The following L3MBTL1 variants were observed in gnomAD, a reference collection of about 807,000 sequenced individuals.
L3MBTL1 encodes the protein lethal(3)malignant brain tumor-like protein 1.
Under a neutral mutation model 105.3 loss-of-function variants are expected in L3MBTL1, and 75 were observed. The observed-to-expected ratio is 0.71, with a 90% confidence interval of 0.59 to 0.86. L3MBTL1 has a LOEUF of 0.86. Among genes scored for constraint, L3MBTL1 ranks in the 40% least tolerant of loss-of-function variants. The probability of loss-of-function intolerance (pLI) is 0.00; values close to 1 mark genes in which losing one functional copy is unlikely to be tolerated. For missense variants in L3MBTL1, 1,069 were observed against 1,126.4 expected (o/e 0.95, Z 0.73); for synonymous variants, 452 against 436.2 (o/e 1.04, Z -0.45).
At position 43,534,056 on chromosome 20, in the gene L3MBTL1, C is replaced by T. The variant is rs1352588224; in HGVS notation, c.1562C>T (p.Thr521Ile). The change falls in exon 14 of 22, where the codon ACT (threonine) becomes ATT (isoleucine). Residue 521 changes from threonine (T) to isoleucine (I), a missense_variant. Transcript: ENST00000418998. Reference protein sequence around the residue: ...NFCWEKYLEETGASAVPTWAF... With the variant: ...NFCWEKYLEEIGASAVPTWAF... The stretch of plus-strand genomic sequence containing the variant: ...TGTTGGGAGAAATATCTGGAAGAAA[C>T]TGGGGCCTCTGCTGTCCCCACCTGG... 4 of 1,614,014 alleles carry T rather than the reference C, an allele frequency of 2.5e-6. No homozygotes were observed. The highest frequency in any genetic ancestry group is 2.5e-6 in the Non-Finnish European group (3 of 1,180,014).
chr20:43,535,093 C>A, intron 16 of L3MBTL1, 151 bp downstream of exon 16: 1 of 604,818 alleles, frequency 1.7e-6, no homozygotes, highest in Non-Finnish European at 2.9e-6. Flanking sequence ...CCATCTGCCC[C>A]ACCCCCGGAC....
intron 1 of L3MBTL1, among the ~76,000 whole-genome samples, chr20:43,508,308 T>C (rs1447649407): frequency 1.3e-5 from 2 of 152,114 alleles, no homozygotes; most frequent in East Asian, 3.9e-4. Context: ...CGCCCGCCTT[T>C]GCCTATACCA....
In L3MBTL1 at chr20:43,540,400, G is replaced by A. The variant is rs60219095; in HGVS notation, c.2331+92G>A. ...GAAAGGCCCAGGTCAGGTAGAACCCGGTACCACTCCTGGCACTACCTCTTG... is the reference window on the plus strand; with the variant it reads ...GAAAGGCCCAGGTCAGGTAGAACCCAGTACCACTCCTGGCACTACCTCTTG... On this transcript the variant is annotated intron_variant, in intron 20 of 21. Coordinates refer to ENST00000418998, the MANE Select transcript of L3MBTL1 (RefSeq NM_001377303.1). The A allele has an allele frequency of 4.6e-3, 6,506 of 1,420,162 alleles. 259 individuals are homozygous for A. The African/African-American group carries it at 0.08, about 18-fold the overall frequency. 88.0% of individuals were successfully genotyped at this position (1,420,162 alleles called of 1,614,324 possible).
chr20:43,515,212 T>C, intron 5 of L3MBTL1, 53 bp downstream of exon 5: 2 of 1,613,900 alleles, frequency 1.2e-6, no homozygotes, highest in East Asian at 2.2e-5. Context: ...CCCCAAAGCC[T>C]CATTCCTGTT....
rs1368652489 is a variant in L3MBTL1, at chr20:43,515,426, G to A, written c.777+11G>A. Reference sequence around the variant, plus strand: ...GAGCCAGAGGCCATGGTAGGAAGAGGGCAGTGGGGAAGGGAGGGGGAAGCT... The same window carrying A: ...GAGCCAGAGGCCATGGTAGGAAGAGAGCAGTGGGGAAGGGAGGGGGAAGCT... On this transcript the variant is annotated intron_variant, in intron 6 of 21. Transcript: ENST00000418998. 1.3e-6 allele frequency: 2 copies of A among 1,553,044 alleles called. No homozygotes were observed. The highest frequency in any genetic ancestry group is 1.7e-6 in the Non-Finnish European group (2 of 1,146,980).
chr20:43,530,093 T>C (rs1011651083), intron 9 of L3MBTL1, among the ~76,000 whole-genome samples, 191 bp from the exon 10 acceptor site: 1 of 152,110 alleles, frequency 6.6e-6, no homozygotes, highest in Non-Finnish European at 1.5e-5. Flanking sequence ...TCAGGGCTCA[T>C]GAGTACATGA....
intron 9 of L3MBTL1, among the ~76,000 whole-genome samples, chr20:43,530,028 A>G (rs978136527): frequency 6.6e-6 from 1 of 152,170 alleles, no homozygotes; most frequent in Non-Finnish European, 1.5e-5. Context: ...AATTCTGTCC[A>G]GGGCTCAAAA....
At chr20:43,535,076 G>C (rs934254634) in intron 16 of L3MBTL1, 134 bp downstream of exon 16, 6 of 616,778 alleles carry the variant, frequency 9.7e-6, no homozygotes, top group African/African-American at 5.6e-5. Context: ...ATGAGTTCCA[G>C]AATCCCCCAT....
At chr20:43,531,847 G>A (rs534952802) in intron 11 of L3MBTL1, 115 of 152,418 alleles carry the variant, frequency 7.5e-4, no homozygotes, top group African/African-American at 2.7e-3. Context: ...AGGCAACATA[G>A]TGAGACCCCA....
At chr20:43,534,507 TGAA>T (rs1206287647) in intron 15 of L3MBTL1, 113 bp downstream of exon 15, 2 of 825,090 alleles carry the variant, frequency 2.4e-6, no homozygotes, top group Non-Finnish European at 3.9e-6. Context: ...CCAAAGATCT[TGAA>T]TCTCATTCTT....
At position 43,514,780 on chromosome 20, in the gene L3MBTL1, G is replaced by A; in HGVS notation, c.502+4G>A. 6.5e-7 allele frequency: 1 copy of A among 1,544,698 alleles called. No homozygotes were observed. The highest frequency in any genetic ancestry group is 8.7e-7 in the Non-Finnish European group (1 of 1,143,322). On this transcript the variant is annotated splice_donor_region_variant and intron_variant, in intron 4 of 21. Coordinates refer to ENST00000418998, the MANE Select transcript of L3MBTL1 (RefSeq NM_001377303.1). ...GAGGCGGGCCCCCAACAGGCGGGTAGGAGCCCCGCTCCCCAGGCCCTGAGC... is the reference window on the plus strand; with the variant it reads ...GAGGCGGGCCCCCAACAGGCGGGTAAGAGCCCCGCTCCCCAGGCCCTGAGC...
intron 19 of L3MBTL1, among the ~76,000 whole-genome samples, chr20:43,538,813 C>G (rs576083432): frequency 1.1e-4 from 17 of 152,340 alleles, no homozygotes; most frequent in African/African-American, 3.8e-4. Context: ...GTCTCCCAAA[C>G]CCCACCCCAG....
intron 13 of L3MBTL1, among the ~76,000 whole-genome samples, chr20:43,533,715 T>C (rs2019460470): frequency 6.6e-6 from 1 of 152,180 alleles, no homozygotes; most frequent in African/African-American, 2.4e-5. Flanking sequence ...GAGTATTGCA[T>C]TGGCCCAAAT....
downstream of L3MBTL1, among the ~76,000 whole-genome samples, chr20:43,544,226 G>C (rs1219903639): frequency 6.6e-6 from 1 of 152,218 alleles, no homozygotes; most frequent in Non-Finnish European, 1.5e-5. Context: ...AGAAGTCCCA[G>C]TGGGGTTTTG....
intron 10 of L3MBTL1, 103 bp downstream of exon 10, chr20:43,530,522 G>C: frequency 1.5e-6 from 2 of 1,336,770 alleles, no homozygotes; most frequent in Non-Finnish European, 2.1e-6. Context: ...TTCTGACCCT[G>C]TACCCTGTTC....
intron 10 of L3MBTL1, 26 bp downstream of exon 10, chr20:43,530,445 G>A: frequency 6.2e-7 from 1 of 1,609,950 alleles, no homozygotes; most frequent in Non-Finnish European, 8.5e-7. Context: ...GTTGGTCACA[G>A]TGAGGCAGTG....
At chr20:43,513,787 T>A in intron 2 of L3MBTL1, 51 bp from the exon 3 acceptor site, 1 of 1,541,844 alleles carries the variant, frequency 6.5e-7, no homozygotes, top group Non-Finnish European at 8.8e-7. Flanking sequence ...CGGATTGAGG[T>A]AGGGCCACTA....
At chr20:43,540,394 G>T in intron 20 of L3MBTL1, 86 bp downstream of exon 20, 1 of 1,479,754 alleles carries the variant, frequency 6.8e-7, no homozygotes, top group East Asian at 2.3e-5. Context: ...AGGTCAGGTA[G>T]AACCCGGTAC....
In L3MBTL1 at chr20:43,541,552, C is replaced by T. The variant is rs1486207055; in HGVS notation, c.*424C>T. 1.2e-5 allele frequency: 2 copies of T among 168,540 alleles called. No homozygotes were observed. Among genetic ancestry groups the T allele is most frequent in the African/African-American group, 2.4e-5 (1 of 41,958 alleles). 10.4% of individuals were successfully genotyped at this position (168,540 alleles called of 1,614,324 possible). Reference sequence around the variant, plus strand: ...GTGTAAACATTATAGAATGTACTTACACAAACCTAGATGTTATATGTATTT... The same window carrying T: ...GTGTAAACATTATAGAATGTACTTATACAAACCTAGATGTTATATGTATTT... On this transcript the variant is annotated 3_prime_UTR_variant, in exon 22 of 22. Transcript: ENST00000418998.
Sources: gnomAD v4.1 joint callset for allele counts (sites outside exome capture counted in the v4.1 genomes callset) on GRCh38, gnomAD v4.1.1 for gene constraint, MANE v1.5 for transcripts, NCBI Gene and HGNC (gene_info 2026-07-23, HGNC 2026-07-21) for gene names.